The following SIAH3 variants were observed in gnomAD, a reference collection of about 807,000 sequenced individuals.
SIAH3 encodes the protein siah E3 ubiquitin protein ligase family member 3.
Under a neutral mutation model 12.6 loss-of-function variants are expected in SIAH3, and 9 were observed. The ratio of observed to expected loss-of-function variants is 0.72; its 90% CI spans 0.43 to 1.25. The LOEUF is 1.25. Ranked by LOEUF, SIAH3 falls within the 50% of genes most tolerant of loss-of-function variation. The pLI, the probability that SIAH3 is intolerant of heterozygous loss-of-function variation, is 0.00. For synonymous variants in SIAH3, 154 were observed against 151.1 expected (o/e 1.02, Z -0.14); for missense variants, 390 against 365.4 (o/e 1.07, Z -0.55).
chr13:45,812,579 T>C (rs1371320925), intron 1 of SIAH3, among the ~76,000 whole-genome samples: 1 of 152,210 alleles, frequency 6.6e-6, no homozygotes, highest in African/African-American at 2.4e-5. Context: ...ATTGCTATCA[T>C]GACACAGAAT....
rs1263943647 is a variant in SIAH3 at position 45,781,281 on chromosome 13, A to G, written c.*2102T>C. On this transcript the variant is annotated 3_prime_UTR_variant, in exon 2 of 2. Transcript: ENST00000400405. ...TGATCTGGAGCACCTGTGATGCTAC[A>G]CAAATGCTTTCAAAGTGGTTGAGTC... 6.6e-6 allele frequency: 1 copy of G among 152,534 alleles called. No homozygotes were observed. The highest frequency in any genetic ancestry group is 6.5e-5 in the Admixed American group (1 of 15,284). 9.4% of individuals were successfully genotyped at this position (152,534 alleles called of 1,614,324 possible).
intron 1 of SIAH3, among the ~76,000 whole-genome samples, chr13:45,801,927 G>A (rs1950583656): frequency 2.0e-5 from 3 of 152,230 alleles, no homozygotes. Flanking sequence ...TTCACTGGAG[G>A]ACATGGGTAG....
intron 1 of SIAH3, among the ~76,000 whole-genome samples, chr13:45,820,822 T>A (rs971748195): frequency 2.6e-5 from 4 of 152,212 alleles, no homozygotes; most frequent in South Asian, 2.1e-4. Context: ...CTCCTGGCAC[T>A]TGCTTCCTGC....
At chr13:45,794,246 C>G (rs1950555455) in intron 1 of SIAH3, among the ~76,000 whole-genome samples, 1 of 152,114 alleles carries the variant, frequency 6.6e-6, no homozygotes, top group Non-Finnish European at 1.5e-5. Context: ...GCACTGTAGA[C>G]TGGGAATGGC....
intron 1 of SIAH3, among the ~76,000 whole-genome samples, chr13:45,794,557 C>T (rs543830742): frequency 6.6e-5 from 10 of 152,174 alleles, no homozygotes; most frequent in Admixed American, 2.0e-4. Context: ...ATCATGGGGA[C>T]GGGTTTTTCC....
intron 1 of SIAH3, among the ~76,000 whole-genome samples, chr13:45,788,132 ACAC>A (rs938623360): frequency 2.4e-4 from 36 of 152,202 alleles, no homozygotes; most frequent in African/African-American, 8.7e-4. Context: ...CTCAGAATAA[ACAC>A]AACCTTAATT....
rs2137580557 is a variant in SIAH3, at chr13:45,837,267, T to C, written c.135+14228A>G. ...AGAGACTCATCTGGTGACTTTGGAT[T>C]TGTTCATAGAGTCATTACTCATTTT... is the stretch of plus-strand genomic sequence containing the variant. On this transcript the variant is annotated intron_variant, in intron 1 of 1. Coordinates refer to ENST00000400405, the MANE Select transcript of SIAH3 (RefSeq NM_198849.3). Among the ~76,000 whole-genome samples the C allele has an allele frequency of 1.3e-5, 2 of 152,266 alleles. 1 individual carries two copies. The highest frequency in any genetic ancestry group is 4.8e-5 in the African/African-American group (2 of 41,542).
Position 45,778,890 on chromosome 13 carries a change from C to T in SIAH3, c.*4493G>A, listed in dbSNP as rs1287550566. ...CGTAGGTTATATACAAATACTATGC[C>T]GTTTTATATAAGGGACTTGAGCATC... On this transcript the variant is annotated 3_prime_UTR_variant, in exon 2 of 2. Transcript: ENST00000400405. 3.3e-5 allele frequency: 5 copies of T among 152,150 alleles called. No homozygotes were observed. The highest frequency in any genetic ancestry group is 6.5e-5 in the Admixed American group (1 of 15,284). 9.4% of individuals were successfully genotyped at this position (152,150 alleles called of 1,614,324 possible).
At chr13:45,785,227 CA>C (rs1950524072) in intron 1 of SIAH3, among the ~76,000 whole-genome samples, 1 of 152,208 alleles carries the variant, frequency 6.6e-6, no homozygotes. Context: ...CTAGGTCACA[CA>C]GGGGAGGTGG....
intron 1 of SIAH3, among the ~76,000 whole-genome samples, chr13:45,835,575 A>G (rs1399802556): frequency 6.6e-6 from 1 of 152,228 alleles, no homozygotes; most frequent in Non-Finnish European, 1.5e-5. Flanking sequence ...CAGATGAGGA[A>G]ACTGAGGTCC....
At chr13:45,839,451 G>A (rs1317721116) in intron 1 of SIAH3, among the ~76,000 whole-genome samples, 1 of 152,290 alleles carries the variant, frequency 6.6e-6, no homozygotes, top group Non-Finnish European at 1.5e-5. Flanking sequence ...TGGTCATAGA[G>A]CACAAACTTC....
chr13:45,847,999 G>A (rs781085805), intron 1 of SIAH3, among the ~76,000 whole-genome samples: 11 of 152,150 alleles, frequency 7.2e-5, no homozygotes, highest in Non-Finnish European at 7.3e-5. Flanking sequence ...AGGGCAGGGC[G>A]CTGTAGAAGC....
intron 1 of SIAH3, among the ~76,000 whole-genome samples, chr13:45,850,136 A>G (rs7994641): frequency 0.38 from 57,995 of 152,040 alleles, 11,377 homozygotes; most frequent in Admixed American, 0.45. Flanking sequence ...CACAGCTGGG[A>G]TATCAGAGAG....
chr13:45,808,146 A>G (rs956520875), intron 1 of SIAH3, among the ~76,000 whole-genome samples: 6 of 152,234 alleles, frequency 3.9e-5, no homozygotes, highest in African/African-American at 1.4e-4. Context: ...GGCAAATGCT[A>G]TAAATCAGGG....
chr13:45,849,464 AGAG>A (rs767804511), intron 1 of SIAH3, among the ~76,000 whole-genome samples: 4 of 152,208 alleles, frequency 2.6e-5, no homozygotes, highest in Non-Finnish European at 5.9e-5. Flanking sequence ...CATTATTTTT[AGAG>A]GAGAGTTATG....
intron 1 of SIAH3, among the ~76,000 whole-genome samples, chr13:45,805,925 C>T (rs1470997122): frequency 6.6e-6 from 1 of 152,138 alleles, no homozygotes; most frequent in Admixed American, 6.6e-5. Flanking sequence ...ATGACAGACA[C>T]TTCTCAAAAG....
intron 1 of SIAH3, among the ~76,000 whole-genome samples, chr13:45,807,816 C>A (rs1228043148): frequency 1.3e-5 from 2 of 152,158 alleles, no homozygotes; most frequent in African/African-American, 2.4e-5. Flanking sequence ...TATTAGCTCA[C>A]AAGAGCTAAT....
intron 1 of SIAH3, among the ~76,000 whole-genome samples, chr13:45,811,343 C>T (rs2137564283): frequency 6.6e-6 from 1 of 152,254 alleles, no homozygotes; most frequent in East Asian, 1.9e-4. Context: ...TATTTCCTAA[C>T]AGAAATGAAT....
At chr13:45,795,929 T>C (rs752649969) in intron 1 of SIAH3, among the ~76,000 whole-genome samples, 1 of 110,474 alleles carries the variant, frequency 9.1e-6, no homozygotes, top group South Asian at 2.5e-4. Context: ...ACAACATGGA[T>C]AGATCTCAAA....
Sources: allele counts gnomAD v4.1 joint callset (sites outside exome capture counted in the v4.1 genomes callset), GRCh38; gene constraint gnomAD v4.1.1; transcripts MANE v1.5; gene names NCBI Gene and HGNC (gene_info 2026-07-23, HGNC 2026-07-21).